Variants in PDE2A observed in about 807,000 individuals in gnomAD.
PDE2A encodes the protein cGMP-dependent 3',5'-cyclic phosphodiesterase.
In PDE2A, 53 loss-of-function variants were observed where a neutral mutation model predicts 133.6. The observed-to-expected ratio is 0.40, with a 90% confidence interval of 0.32 to 0.50. PDE2A has a LOEUF of 0.50. Among genes scored for constraint, PDE2A ranks in the 20% least tolerant of loss-of-function variants. The pLI, the probability that PDE2A is intolerant of heterozygous loss-of-function variation, is 0.73. For missense variants in PDE2A, 796 were observed against 1,232.4 expected (o/e 0.65, Z 5.30); for synonymous variants, 491 against 490.2 (o/e 1.00, Z -0.02).
At chr11:72,642,371 G>A in intron 1 of PDE2A, 45 bp from the exon 2 acceptor site, 2 of 1,351,210 alleles carry the variant, frequency 1.5e-6, no homozygotes, top group African/African-American at 1.5e-5. Flanking sequence ...GCAGCACCAG[G>A]ACCATGCTCG....
rs751733815 is a variant in PDE2A, at chr11:72,577,039, G to T, written c.*345C>A. On this transcript the variant is annotated 3_prime_UTR_variant, in exon 31 of 31. Transcript: ENST00000334456. ...CTCAAAGGGAAAGGAGCAAAGATCT[G>T]GTGGGGCAGAAATGGGGCAAGGAGA... is the stretch of plus-strand genomic sequence containing the variant. 5 of 243,552 alleles carry T rather than the reference G, an allele frequency of 2.1e-5. No individual in the cohort carries two copies. The highest frequency in any genetic ancestry group is 4.0e-5 in the Non-Finnish European group (5 of 125,204). 15.1% of individuals were successfully genotyped at this position (243,552 alleles called of 1,614,324 possible).
At chr11:72,585,309 G>T (rs59776769) in intron 16 of PDE2A, 62 bp downstream of exon 16, 1 of 1,372,826 alleles carries the variant, frequency 7.3e-7, no homozygotes, top group Non-Finnish European at 1.0e-6. Flanking sequence ...GGCAGGAAAG[G>T]AGATGATGGG....
At chr11:72,669,081 G>A (rs1469509758) in intron 1 of PDE2A, 1 of 548,836 alleles carries the variant, frequency 1.8e-6, no homozygotes, top group Admixed American at 5.9e-5. Flanking sequence ...ATCCTGCCAA[G>A]AAAGGATAAT....
chr11:72,637,325 C>A (rs1858745390), intron 2 of PDE2A, among the ~76,000 whole-genome samples: 1 of 152,256 alleles, frequency 6.6e-6, no homozygotes, highest in African/African-American at 2.4e-5. Flanking sequence ...TCTGTGCCAC[C>A]TGCCAAGGGG....
Position 72,608,702 on chromosome 11 carries a change from C to G in PDE2A, c.194G>C (p.Arg65Pro). The change falls in exon 3 of 31, where the codon CGT becomes CCT. Residue 65 changes from arginine (R) to proline (P), a missense_variant. Coordinates refer to ENST00000334456, the MANE Select transcript of PDE2A (RefSeq NM_002599.5). Reference sequence around the variant, plus strand: ...AGCTGACAGGGCCTCCTTGACAGCACGTTGCAGGCCTGAAATGTCGATGAC... The same window carrying G: ...AGCTGACAGGGCCTCCTTGACAGCAGGTTGCAGGCCTGAAATGTCGATGAC... ...GSVIDISGLQ[R>P]AVKEALSAVL... The G allele has an allele frequency of 1.9e-6, 3 of 1,577,302 alleles. No homozygotes were observed. Among genetic ancestry groups the G allele is most frequent in the African/African-American group, 1.3e-5 (1 of 74,762 alleles).
intron 1 of PDE2A, among the ~76,000 whole-genome samples, chr11:72,672,718 G>C (rs1055986283): frequency 6.9e-6 from 1 of 144,538 alleles, no homozygotes; most frequent in African/African-American, 2.6e-5. Context: ...TTAGCATGAC[G>C]TTGATCTCTA....
chr11:72,663,659 G>A (rs1051672566), intron 1 of PDE2A, among the ~76,000 whole-genome samples: 2 of 151,782 alleles, frequency 1.3e-5, no homozygotes, highest in Non-Finnish European at 2.9e-5. Context: ...AACCCAGGAG[G>A]TGGAGGTTGC....
chr11:72,630,664 G>A (rs1021822409), intron 2 of PDE2A, among the ~76,000 whole-genome samples: 2 of 151,954 alleles, frequency 1.3e-5, no homozygotes, highest in Non-Finnish European at 1.5e-5. Flanking sequence ...TGGTGGCCAC[G>A]TGGATGATGG....
chr11:72,674,357 C>T lies in PDE2A; in HGVS notation c.-150G>A. On this transcript the variant is annotated 5_prime_UTR_variant, in exon 1 of 31. Transcript: ENST00000334456. ...CTCAGCCTGGACTCAACACCCCAAT[C>T]CAGCTCTGCTGCCCCGCTGCTCCCG... 2 of 673,318 alleles carry T rather than the reference C, an allele frequency of 3.0e-6. No individual in the cohort carries two copies. Among genetic ancestry groups the T allele is most frequent in the Non-Finnish European group, 4.9e-6 (2 of 404,480 alleles). The allele number at this position is 673,318 out of a possible 1,614,324, so 41.7% of individuals were successfully genotyped here. A position where few individuals can be genotyped will look rare whatever the true frequency, so the allele number is the denominator to read the frequency against.
At chr11:72,670,005 T>TC (rs1236447601) in intron 1 of PDE2A, among the ~76,000 whole-genome samples, 2 of 151,990 alleles carry the variant, frequency 1.3e-5, no homozygotes, top group East Asian at 3.9e-4. Context: ...TAGGCTCAAT[T>TC]CCCCACTCCT....
rs1855502358 is a variant in PDE2A at position 72,577,081 on chromosome 11, A to G, written c.*303T>C. On this transcript the variant is annotated 3_prime_UTR_variant, in exon 31 of 31. Coordinates refer to ENST00000334456, the MANE Select transcript of PDE2A (RefSeq NM_002599.5). The stretch of plus-strand genomic sequence containing the variant: ...GCAAGGAGAAACCATCAAGCTGCTC[A>G]GACAAAGAATGGCTTGGGAAAGACT... 4 of 335,448 alleles carry G rather than the reference A, an allele frequency of 1.2e-5. No homozygotes were observed. The highest frequency in any genetic ancestry group is 8.2e-5 in the African/African-American group (4 of 48,642). 20.8% of individuals were successfully genotyped at this position (335,448 alleles called of 1,614,324 possible). A position where few individuals can be genotyped will look rare whatever the true frequency, so the allele number is the denominator to read the frequency against.
At chr11:72,628,780 C>T (rs1348909376) in intron 2 of PDE2A, among the ~76,000 whole-genome samples, 1 of 152,210 alleles carries the variant, frequency 6.6e-6, no homozygotes, top group Non-Finnish European at 1.5e-5. Flanking sequence ...TATATGAGGC[C>T]ATCTTGGCTT....
intron 2 of PDE2A, among the ~76,000 whole-genome samples, chr11:72,616,795 C>T (rs552735713): frequency 2.4e-4 from 37 of 152,332 alleles, no homozygotes; most frequent in African/African-American, 8.7e-4. Context: ...ATGGAGGGCT[C>T]TTCCCCAAGA....
intron 2 of PDE2A, among the ~76,000 whole-genome samples, chr11:72,615,860 C>A (rs1402697385): frequency 6.6e-6 from 1 of 152,188 alleles, no homozygotes; most frequent in Non-Finnish European, 1.5e-5. Flanking sequence ...CAAAAGAGAG[C>A]CTGAGCAGGA....
chr11:72,673,201 T>C (rs540919143), intron 1 of PDE2A, among the ~76,000 whole-genome samples: 1 of 151,960 alleles, frequency 6.6e-6, no homozygotes, highest in Non-Finnish European at 1.5e-5. Flanking sequence ...ACACATAATA[T>C]ACAAACTCAA....
intron 2 of PDE2A, among the ~76,000 whole-genome samples, chr11:72,618,581 CCTT>C (rs1039599575): frequency 6.6e-6 from 1 of 152,214 alleles, no homozygotes; most frequent in Non-Finnish European, 1.5e-5. Context: ...TGAACCCAGA[CCTT>C]CTTTGCCCCC....
intron 2 of PDE2A, among the ~76,000 whole-genome samples, chr11:72,617,470 C>T (rs1857531486): frequency 6.6e-6 from 1 of 152,220 alleles, no homozygotes; most frequent in South Asian, 2.1e-4. Flanking sequence ...TCCCTGGGCG[C>T]TCTCTCTGTG....
At chr11:72,624,481 C>T (rs1434658018) in intron 2 of PDE2A, among the ~76,000 whole-genome samples, 2 of 152,210 alleles carry the variant, frequency 1.3e-5, no homozygotes, top group Non-Finnish European at 2.9e-5. Context: ...CTTGCTATCA[C>T]TCCATGTCAT....
chr11:72,590,615 C>G lies in PDE2A; in HGVS notation c.550-35G>C. 1 of 1,341,772 alleles carries G rather than the reference C, an allele frequency of 7.5e-7. No individual in the cohort carries two copies. The highest frequency in any genetic ancestry group is 9.5e-7 in the Non-Finnish European group (1 of 1,052,142). 83.1% of individuals were successfully genotyped at this position (1,341,772 alleles called of 1,614,324 possible). A position where few individuals can be genotyped will look rare whatever the true frequency, so the allele number is the denominator to read the frequency against. On this transcript the variant is annotated intron_variant, in intron 7 of 30. Coordinates refer to ENST00000334456, the MANE Select transcript of PDE2A (RefSeq NM_002599.5). This position sits in a 1 kb window ranked among gnomAD's most constrained non-coding sequence, Gnocchi z 4.8. ...GCCGAGCGGTTAGCGCGCCGCTCGC[C>G]CCAAGCTCGCTGCGCTTGCTGCAGC...
Sources: gnomAD v4.1 joint callset for allele counts (sites outside exome capture counted in the v4.1 genomes callset) on GRCh38, gnomAD v4.1.1 for gene constraint, Gnocchi (gnomAD v3.1) non-coding constraint, MANE v1.5 for transcripts, NCBI Gene and HGNC (gene_info 2026-07-23, HGNC 2026-07-21) for gene names.